RNGTT: variants seen among roughly 807,000 people sequenced by gnomAD.
RNGTT encodes RNA guanylyltransferase and 5'-phosphatase, also known as mRNA-capping enzyme.
A neutral mutation model predicts 79.3 loss-of-function variants in RNGTT; 33 were observed. The ratio of observed to expected loss-of-function variants is 0.42; its 90% CI spans 0.32 to 0.56. RNGTT has a LOEUF of 0.56. RNGTT is among the 20% of genes least tolerant of loss of function. The probability of loss-of-function intolerance (pLI) is 0.17; values close to 1 mark genes in which losing one functional copy is unlikely to be tolerated. For missense variants in RNGTT, 497 were observed against 739.1 expected (o/e 0.67, Z 3.80); for synonymous variants, 222 against 235.9 (o/e 0.94, Z 0.54).
intron 4 of RNGTT, among the ~76,000 whole-genome samples, chr6:88,921,377 A>T (rs1784160504): frequency 2.0e-5 from 3 of 152,156 alleles, no homozygotes; most frequent in African/African-American, 7.2e-5. Context: ...TATCAATTAC[A>T]GTTGACAACT....
At position 88,612,750 on chromosome 6, in the gene RNGTT, G is replaced by A. The variant is rs1298385171; in HGVS notation, c.1763C>T (p.Pro588Leu). ...LDPDTELMPPPPPKRPRPLT is the reference protein window; with the variant it reads ...LDPDTELMPPLPPKRPRPLT ...TAAAGGGCGTGGTCTTTTGGGAGGT[G>A]GTGGTGGCATGAGCTCCGTGTCAGG... The change falls in exon 16 of 16, where the codon CCA (proline) becomes CTA (leucine). Residue 588 changes from proline (P) to leucine (L), a missense_variant. Physicochemically the swap from Pro to Leu is moderately conservative, Grantham distance 98. Coordinates refer to ENST00000369485, the MANE Select transcript of RNGTT (RefSeq NM_003800.5). 6.2e-7 allele frequency: 1 copy of A among 1,612,920 alleles called. No individual in the cohort carries two copies. Among genetic ancestry groups the A allele is most frequent in the Non-Finnish European group, 8.5e-7 (1 of 1,179,916 alleles).
chr6:88,951,812 C>A (rs1785258226), intron 1 of RNGTT, among the ~76,000 whole-genome samples: 3 of 152,180 alleles, frequency 2.0e-5, no homozygotes, highest in African/African-American at 7.2e-5. Flanking sequence ...GACTACATCT[C>A]ACAGGGGCCC....
intron 14 of RNGTT, among the ~76,000 whole-genome samples, chr6:88,650,779 C>A (rs1355361218): frequency 6.6e-6 from 1 of 152,080 alleles, no homozygotes; most frequent in Admixed American, 6.6e-5. Context: ...TTACCCAAAT[C>A]TTGTGGACAT....
At chr6:88,766,081 T>G (rs1402941609) in intron 13 of RNGTT, among the ~76,000 whole-genome samples, 1 of 152,150 alleles carries the variant, frequency 6.6e-6, no homozygotes, top group Non-Finnish European at 1.5e-5. Context: ...ACGTTTACCA[T>G]GTACCAGGTT....
intron 7 of RNGTT, 24 bp from the exon 8 acceptor site, chr6:88,890,620 T>G: frequency 6.5e-7 from 1 of 1,531,198 alleles, no homozygotes; most frequent in Non-Finnish European, 9.0e-7. Flanking sequence ...ACAGTATTAC[T>G]ATCGTGGCTG....
intron 13 of RNGTT, among the ~76,000 whole-genome samples, chr6:88,757,775 G>C (rs1778069257): frequency 6.6e-6 from 1 of 152,126 alleles, no homozygotes; most frequent in African/African-American, 2.4e-5. Flanking sequence ...GACATATTTT[G>C]AAGTCACACT....
At chr6:88,799,662 T>C (rs2127861573) in intron 12 of RNGTT, among the ~76,000 whole-genome samples, 1 of 142,656 alleles carries the variant, frequency 7.0e-6, no homozygotes, top group East Asian at 2.0e-4. Flanking sequence ...ATTGCGCCAT[T>C]GCACTTCAGC....
At chr6:88,932,259 C>G (rs965419093) in intron 2 of RNGTT, among the ~76,000 whole-genome samples, 5 of 152,130 alleles carry the variant, frequency 3.3e-5, no homozygotes, top group South Asian at 2.1e-4. Context: ...GAAATTCCAG[C>G]CTGGCAAATT....
intron 12 of RNGTT, among the ~76,000 whole-genome samples, chr6:88,774,786 T>C (rs894475290): frequency 1.1e-4 from 17 of 152,000 alleles, no homozygotes; most frequent in African/African-American, 3.9e-4. Flanking sequence ...TGACCGAAAG[T>C]AGATTAGAGG....
intron 11 of RNGTT, among the ~76,000 whole-genome samples, chr6:88,832,648 A>T (rs1468885334): frequency 6.6e-6 from 1 of 152,200 alleles, no homozygotes; most frequent in African/African-American, 2.4e-5. Context: ...TGAAGAGGAA[A>T]TCTAGAGAAT....
intron 13 of RNGTT, among the ~76,000 whole-genome samples, chr6:88,701,917 A>G (rs1775960410): frequency 6.6e-6 from 1 of 152,088 alleles, no homozygotes; most frequent in African/African-American, 2.4e-5. Flanking sequence ...TACACCAACA[A>G]TGCTCGAGAT....
intron 14 of RNGTT, among the ~76,000 whole-genome samples, chr6:88,633,405 G>A (rs1470444140): frequency 1.3e-5 from 2 of 152,144 alleles, no homozygotes; most frequent in Non-Finnish European, 2.9e-5. Flanking sequence ...GAATGGCATT[G>A]CATCCTCCCC....
chr6:88,921,378 G>T (rs1489123211), intron 4 of RNGTT, among the ~76,000 whole-genome samples: 1 of 152,018 alleles, frequency 6.6e-6, no homozygotes, highest in Non-Finnish European at 1.5e-5. Flanking sequence ...ATCAATTACA[G>T]TTGACAACTG....
chr6:88,903,412 G>T (rs1213771800), intron 6 of RNGTT, among the ~76,000 whole-genome samples: 1 of 152,114 alleles, frequency 6.6e-6, no homozygotes, highest in Non-Finnish European at 1.5e-5. Flanking sequence ...TATATTTTAT[G>T]CTATGCTGCT....
chr6:88,771,544 T>C (rs374129857), intron 12 of RNGTT, among the ~76,000 whole-genome samples: 4 of 151,966 alleles, frequency 2.6e-5, no homozygotes. Context: ...CATTTCCACA[T>C]ACATTTTAAA....
chr6:88,656,885 T>C (rs1287733281), intron 14 of RNGTT, among the ~76,000 whole-genome samples: 1 of 150,166 alleles, frequency 6.7e-6, no homozygotes. Context: ...AGCCCAGGAG[T>C]TCCAGACCAG....
intron 2 of RNGTT, among the ~76,000 whole-genome samples, chr6:88,931,946 G>A (rs1464129379): frequency 6.6e-6 from 1 of 151,792 alleles, no homozygotes; most frequent in Non-Finnish European, 1.5e-5. Flanking sequence ...TGAGATCTGG[G>A]CACCTTGAAA....
chr6:88,688,542 G>A (rs1006733665), intron 13 of RNGTT, among the ~76,000 whole-genome samples: 5 of 152,254 alleles, frequency 3.3e-5, no homozygotes, highest in Non-Finnish European at 5.9e-5. Flanking sequence ...TTCCTGGGCC[G>A]AGGAAAGAAA....
intron 2 of RNGTT, among the ~76,000 whole-genome samples, chr6:88,932,433 T>C (rs989787749): frequency 1.3e-5 from 2 of 152,158 alleles, no homozygotes; most frequent in Admixed American, 6.6e-5. Context: ...CTATGAAGCA[T>C]GTGATCCCTG....
Sources: allele counts gnomAD v4.1 joint callset (sites outside exome capture counted in the v4.1 genomes callset), GRCh38; gene constraint gnomAD v4.1.1; transcripts MANE v1.5; gene names NCBI Gene and HGNC (gene_info 2026-07-23, HGNC 2026-07-21).